L3MBTL4: variants seen among roughly 807,000 people sequenced by gnomAD.
L3MBTL4 encodes the protein lethal(3)malignant brain tumor-like protein 4.
L3MBTL4 carries 70 observed loss-of-function variants against 84.5 expected under a neutral mutation model. The ratio of observed to expected loss-of-function variants is 0.83; its 90% CI spans 0.68 to 1.01. L3MBTL4 has a LOEUF of 1.01. Among genes scored for constraint, L3MBTL4 ranks in the 50% least tolerant of loss-of-function variants. The probability of loss-of-function intolerance (pLI) is 0.00; values close to 1 mark genes in which losing one functional copy is unlikely to be tolerated. For synonymous variants in L3MBTL4, 274 were observed against 259.8 expected, an observed-to-expected ratio of 1.05 and a Z score of -0.52; for missense variants, 715 against 754.8, an observed-to-expected ratio of 0.95 and a Z score of 0.62.
chr18:6,351,254 A>T (rs2053171514), intron 1 of L3MBTL4, among the ~76,000 whole-genome samples: 1 of 152,186 alleles, frequency 6.6e-6, no homozygotes, highest in East Asian at 1.9e-4. Flanking sequence ...AAGCAAAATA[A>T]GCCAGATACT....
chr18:6,364,746 T>G (rs1418316162), intron 1 of L3MBTL4, among the ~76,000 whole-genome samples: 3 of 152,154 alleles, frequency 2.0e-5, no homozygotes, highest in South Asian at 2.1e-4. Flanking sequence ...ACTCTAAACT[T>G]GTATCTATCA....
intron 16 of L3MBTL4, among the ~76,000 whole-genome samples, chr18:6,034,032 T>A (rs1292639382): frequency 6.6e-6 from 1 of 152,236 alleles, no homozygotes; most frequent in East Asian, 1.9e-4. Context: ...CTCTCTAGTG[T>A]CTTTTCATTT....
intron 1 of L3MBTL4, among the ~76,000 whole-genome samples, chr18:6,381,864 T>C (rs2054607031): frequency 6.6e-6 from 1 of 152,244 alleles, no homozygotes; most frequent in Non-Finnish European, 1.5e-5. Context: ...ATTTCCTGAA[T>C]TTGAATGTTG....
intron 13 of L3MBTL4, among the ~76,000 whole-genome samples, chr18:6,167,316 A>G (rs2043722400): frequency 6.6e-6 from 1 of 152,244 alleles, no homozygotes; most frequent in Admixed American, 6.5e-5. Context: ...AATCCTCCCT[A>G]ACTCATTTTA....
At chr18:5,977,052 G>A (rs1288844778) in intron 16 of L3MBTL4, among the ~76,000 whole-genome samples, 2 of 152,028 alleles carry the variant, frequency 1.3e-5, no homozygotes, top group East Asian at 1.9e-4. Flanking sequence ...TTGGGGCTCC[G>A]GCTGTCAGGC....
intron 13 of L3MBTL4, among the ~76,000 whole-genome samples, chr18:6,168,556 T>C (rs900520619): frequency 8.6e-5 from 13 of 152,024 alleles, no homozygotes; most frequent in Admixed American, 3.3e-4. Context: ...TTGACAAACC[T>C]GAGAAAAAAA....
At chr18:6,022,626 T>C (rs1226722177) in intron 16 of L3MBTL4, among the ~76,000 whole-genome samples, 1 of 152,222 alleles carries the variant, frequency 6.6e-6, no homozygotes, top group South Asian at 2.1e-4. Context: ...ACTTGCTTTA[T>C]AAGGATTATC....
intron 4 of L3MBTL4, among the ~76,000 whole-genome samples, chr18:6,295,686 C>G (rs900605197): frequency 6.6e-6 from 1 of 151,998 alleles, no homozygotes; most frequent in African/African-American, 2.4e-5. Context: ...TATTGAAGTG[C>G]CCCTGCAAAA....
intron 5 of L3MBTL4, among the ~76,000 whole-genome samples, chr18:6,250,279 G>GA (rs1287182362): frequency 1.3e-5 from 2 of 151,898 alleles, no homozygotes; most frequent in East Asian, 1.9e-4. Context: ...ATAACATGAG[G>GA]AAAAAACAAA....
At chr18:6,258,416 G>A (rs774687260) in intron 5 of L3MBTL4, among the ~76,000 whole-genome samples, 70 of 152,276 alleles carry the variant, frequency 4.6e-4, no homozygotes, top group Non-Finnish European at 6.8e-4. Flanking sequence ...CTGGGATTGC[G>A]GTGGGCATGG....
intron 16 of L3MBTL4, chr18:6,031,313 T>C: frequency 1.0e-6 from 1 of 985,436 alleles, no homozygotes; most frequent in Non-Finnish European, 1.2e-6. Context: ...GCATTTGGGT[T>C]ATAGGTTTTC....
chr18:6,001,076 G>A (rs1368540342), intron 16 of L3MBTL4, among the ~76,000 whole-genome samples: 1 of 152,228 alleles, frequency 6.6e-6, no homozygotes, highest in Non-Finnish European at 1.5e-5. Context: ...AGGCAGCTGT[G>A]CCAACAATCT....
At chr18:5,977,280 C>T (rs1406072767) in intron 16 of L3MBTL4, among the ~76,000 whole-genome samples, 4 of 152,208 alleles carry the variant, frequency 2.6e-5, no homozygotes, top group South Asian at 2.1e-4. Flanking sequence ...GGCAGGCCTC[C>T]GTCTCCTCAT....
chr18:6,083,425 C>G (rs1271193898), intron 15 of L3MBTL4, among the ~76,000 whole-genome samples: 8 of 152,124 alleles, frequency 5.3e-5, no homozygotes, highest in Admixed American at 4.6e-4. Context: ...TGAAGCCAGC[C>G]ATGGAGGGCC....
intron 16 of L3MBTL4, among the ~76,000 whole-genome samples, chr18:5,971,415 T>G (rs781440453): frequency 6.6e-6 from 1 of 152,222 alleles, no homozygotes; most frequent in African/African-American, 2.4e-5. Context: ...CTCAATCAGT[T>G]GTTTTTGCTG....
intron 13 of L3MBTL4, among the ~76,000 whole-genome samples, chr18:6,160,910 A>C (rs560375091): frequency 4.0e-4 from 61 of 152,290 alleles, no homozygotes; most frequent in African/African-American, 1.4e-3. Context: ...ATAATTACCA[A>C]TATAGTAAAA....
chr18:6,185,030 T>C (rs996041717), intron 12 of L3MBTL4, among the ~76,000 whole-genome samples: 5 of 152,242 alleles, frequency 3.3e-5, no homozygotes, highest in African/African-American at 1.2e-4. Flanking sequence ...AAGCAGGGTT[T>C]TGATTTTTCT....
chr18:6,239,899 G>C lies in L3MBTL4; in HGVS notation c.553-27C>G, dbSNP rs375151961. ...TAACGCAGCACCAGCAGGGGAAGAA[G>C]CACAAAAAGAAACAGGACACCAAAT... On this transcript the variant is annotated intron_variant, in intron 8 of 18. Coordinates refer to ENST00000317931, the MANE Select transcript of L3MBTL4 (RefSeq NM_001330559.2). 7 of 1,612,958 alleles carry C rather than the reference G, an allele frequency of 4.3e-6. No individual in the cohort carries two copies. In the African/African-American group the frequency reaches 9.4e-5, roughly 22 times the overall value.
chr18:6,123,942 T>C (rs1233008549), intron 14 of L3MBTL4, among the ~76,000 whole-genome samples: 2 of 152,202 alleles, frequency 1.3e-5, no homozygotes, highest in Non-Finnish European at 2.9e-5. Context: ...TGTGAACTCC[T>C]TGGGGTAAAG....
Sources: gnomAD v4.1 joint callset for allele counts (sites outside exome capture counted in the v4.1 genomes callset) on GRCh38, gnomAD v4.1.1 for gene constraint, MANE v1.5 for transcripts, NCBI Gene and HGNC (gene_info 2026-07-23, HGNC 2026-07-21) for gene names.